Variants in MARCHF8 observed in about 807,000 individuals in gnomAD.
MARCHF8 encodes E3 ubiquitin-protein ligase MARCHF8.
MARCHF8 carries 40 observed loss-of-function variants against 51.6 expected under a neutral mutation model. That is an observed-to-expected ratio of 0.77 (90% CI 0.60 to 1.01). MARCHF8 has a LOEUF of 1.01. MARCHF8 is among the 50% of genes least tolerant of loss of function. The pLI is 0.00. For missense variants in MARCHF8, 685 were observed against 708.6 expected (o/e 0.97, Z 0.38); for synonymous variants, 263 against 280.3 (o/e 0.94, Z 0.62).
intron 3 of MARCHF8, among the ~76,000 whole-genome samples, chr10:45,470,906 C>T (rs774249686): frequency 6.6e-6 from 1 of 152,110 alleles, no homozygotes; most frequent in Non-Finnish European, 1.5e-5. Context: ...ACTCTGCTTT[C>T]GATAAATACC....
intron 1 of MARCHF8, among the ~76,000 whole-genome samples, chr10:45,591,867 T>C (rs1319198394): frequency 6.6e-6 from 1 of 152,200 alleles, no homozygotes; most frequent in Non-Finnish European, 1.5e-5. Context: ...ACCTCTGTCT[T>C]CCTGATCCCA....
intron 1 of MARCHF8, among the ~76,000 whole-genome samples, chr10:45,549,678 G>A (rs909561658): frequency 2.6e-5 from 4 of 152,212 alleles, no homozygotes; most frequent in Non-Finnish European, 5.9e-5. Flanking sequence ...CTTGTAAGAC[G>A]TGATCAAGCC....
chr10:45,500,129 T>G (rs2043252350), intron 2 of MARCHF8, among the ~76,000 whole-genome samples: 1 of 152,238 alleles, frequency 6.6e-6, no homozygotes, highest in Non-Finnish European at 1.5e-5. Context: ...AGTAGTTTTC[T>G]GTGTATAAGT....
rs376187825 is a variant in MARCHF8, at chr10:45,457,909, C to T, written c.*330G>A. 4 of 279,280 alleles carry T rather than the reference C, an allele frequency of 1.4e-5. No homozygotes were observed. In the East Asian group the frequency reaches 2.9e-4, roughly 20 times the overall value. 17.3% of individuals were successfully genotyped at this position (279,280 alleles called of 1,614,324 possible). The stretch of plus-strand genomic sequence containing the variant: ...GCGGCTGGGTATCAGGGCCTGGGCA[C>T]CCCTGCTCCTCCTCTTCCCTTGGGA... On this transcript the variant is annotated 3_prime_UTR_variant, in exon 8 of 8. Coordinates refer to ENST00000453424, the MANE Select transcript of MARCHF8 (RefSeq NM_001282866.2).
intron 3 of MARCHF8, among the ~76,000 whole-genome samples, chr10:45,470,320 G>A (rs942111058): frequency 1.3e-5 from 2 of 152,174 alleles, no homozygotes; most frequent in Admixed American, 1.3e-4. Context: ...TAAAGCTTGA[G>A]GACTGAGGGC....
chr10:45,500,092 C>T (rs1264582347), intron 2 of MARCHF8, among the ~76,000 whole-genome samples: 2 of 152,116 alleles, frequency 1.3e-5, no homozygotes, highest in African/African-American at 2.4e-5. Context: ...TATTTTATGT[C>T]TTCTTTAATT....
chr10:45,536,640 T>A (rs994092865), upstream of MARCHF8, among the ~76,000 whole-genome samples: 2 of 150,670 alleles, frequency 1.3e-5, no homozygotes, highest in South Asian at 2.1e-4. Context: ...AGTTTGCAAA[T>A]CATATATGTA....
rs146000532 is a variant in MARCHF8, at chr10:45,506,241, A to T, written c.103-16824T>A. Among the ~76,000 whole-genome samples, 668 of 152,352 alleles carry T rather than the reference A, an allele frequency of 4.4e-3. 4 individuals are homozygous for T. The highest frequency in any genetic ancestry group is 0.015 in the African/African-American group (637 of 41,586). On this transcript the variant is annotated intron_variant, in intron 2 of 7. Coordinates refer to ENST00000453424, the MANE Select transcript of MARCHF8 (RefSeq NM_001282866.2). The stretch of plus-strand genomic sequence containing the variant: ...TAAGAAATCAAGTTCACATAAAAAA[A>T]GCAAATCTTTGGAAATGGGACCAGT...
At chr10:45,571,990 C>T (rs1003610817) in intron 1 of MARCHF8, among the ~76,000 whole-genome samples, 12 of 152,296 alleles carry the variant, frequency 7.9e-5, no homozygotes, top group East Asian at 3.9e-4. Flanking sequence ...CTTATCACCG[C>T]GGGGACGCCT....
chr10:45,525,309 A>C (rs2043772997), intron 2 of MARCHF8, among the ~76,000 whole-genome samples: 1 of 152,232 alleles, frequency 6.6e-6, no homozygotes, highest in South Asian at 2.1e-4. Context: ...AATATATAAA[A>C]TACCACTTTT....
At position 45,454,994 on chromosome 10, in the gene MARCHF8, A is replaced by G. The variant is rs1156333356; in HGVS notation, c.*3245T>C. ...AAAAGGGAAAGCACTTCAAAACAGA[A>G]AGTACTTCAATTGTGTATTTGCCTT... On this transcript the variant is annotated 3_prime_UTR_variant, in exon 8 of 8. Transcript: ENST00000453424. The G allele has an allele frequency of 6.6e-6, 1 of 152,240 alleles. No homozygotes were observed. Among genetic ancestry groups the G allele is most frequent in the African/African-American group, 2.4e-5 (1 of 41,464 alleles). 9.4% of individuals were successfully genotyped at this position (152,240 alleles called of 1,614,324 possible).
At chr10:45,535,064 T>C (rs1286364434) in intron 1 of MARCHF8, 147 bp downstream of exon 1, 1 of 152,190 alleles carries the variant, frequency 6.6e-6, no homozygotes, top group Non-Finnish European at 1.5e-5. Context: ...GAAAATAGAA[T>C]AGGGGATGTT....
At chr10:45,567,799 G>GT (rs1256237493) in intron 1 of MARCHF8, among the ~76,000 whole-genome samples, 1 of 152,094 alleles carries the variant, frequency 6.6e-6, no homozygotes, top group South Asian at 2.1e-4. Context: ...TTTTGGGATT[G>GT]TTTTTTCTGT....
chr10:45,480,111 G>A (rs1275498078), intron 3 of MARCHF8, among the ~76,000 whole-genome samples: 1 of 152,162 alleles, frequency 6.6e-6, no homozygotes, highest in Non-Finnish European at 1.5e-5. Context: ...GAGACTGGCA[G>A]CATTTTGCCC....
At chr10:45,512,249 C>T (rs1400302706) in intron 2 of MARCHF8, among the ~76,000 whole-genome samples, 8 of 151,438 alleles carry the variant, frequency 5.3e-5, no homozygotes, top group South Asian at 2.1e-4. Context: ...GCCCGGCAGC[C>T]GCCCCGTCTG....
At chr10:45,539,422 A>G (rs1214020974), upstream of MARCHF8, among the ~76,000 whole-genome samples, 2 of 152,236 alleles carry the variant, frequency 1.3e-5, no homozygotes, top group Non-Finnish European at 2.9e-5. Context: ...GAGAAGCAAG[A>G]GCAAACACAT....
Position 45,463,167 on chromosome 10 carries a change from A to C in MARCHF8, c.1072T>G (p.Ser358Ala), listed in dbSNP as rs1191721585. ...KLPPISPVSTSGDVCRICHCE... is the reference protein window; with the variant it reads ...KLPPISPVSTAGDVCRICHCE... ...CAAACCAACCTGCAGACATCCCCTG[A>C]CGTGGACACGGGAGATATGGGGGGT... The change falls in exon 5 of 8, where the codon TCA becomes GCA. Residue 358 changes from serine (S) to alanine (A), a missense_variant. Transcript: ENST00000453424. 2.6e-6 allele frequency: 4 copies of C among 1,550,188 alleles called. No individual in the cohort carries two copies. Among genetic ancestry groups the C allele is most frequent in the Non-Finnish European group, 3.5e-6 (4 of 1,146,798 alleles).
In MARCHF8 at chr10:45,463,560, T is replaced by G. The variant is rs537790256; in HGVS notation, c.679A>C (p.Thr227Pro). Reference sequence around the variant, plus strand: ...TTGCCAGCTTCCACCTCTGAGGCAGTTGAGCGACCGGCAGAAAGGCATGAA... The same window carrying G: ...TTGCCAGCTTCCACCTCTGAGGCAGGTGAGCGACCGGCAGAAAGGCATGAA... ...CVSCLSAGRS[T>P]ASEVEAGKGG... The change falls in exon 5 of 8, where the codon ACT becomes CCT. Residue 227 changes from threonine (T) to proline (P), a missense_variant. Transcript: ENST00000453424. 6.4e-7 allele frequency: 1 copy of G among 1,550,668 alleles called. No homozygotes were observed. Among genetic ancestry groups the G allele is most frequent in the Non-Finnish European group, 8.7e-7 (1 of 1,147,014 alleles).
intron 1 of MARCHF8, among the ~76,000 whole-genome samples, chr10:45,569,105 T>C (rs1332103253): frequency 1.4e-5 from 2 of 145,210 alleles, no homozygotes; most frequent in African/African-American, 5.1e-5. Context: ...AAAAACCACA[T>C]CATAATGTTT....
Sources: allele counts gnomAD v4.1 joint callset (sites outside exome capture counted in the v4.1 genomes callset), GRCh38; gene constraint gnomAD v4.1.1; transcripts MANE v1.5; gene names NCBI Gene and HGNC (gene_info 2026-07-23, HGNC 2026-07-21).